The following TMEM255B variants were observed in gnomAD, a reference collection of about 807,000 sequenced individuals.
TMEM255B encodes family with sequence similarity 70, member B.
A neutral mutation model predicts 34.5 loss-of-function variants in TMEM255B; 35 were observed. The ratio of observed to expected loss-of-function variants is 1.01; its 90% CI spans 0.77 to 1.34. The LOEUF (loss-of-function observed/expected upper bound fraction) is 1.34, where lower values mean the gene tolerates loss of function less well. TMEM255B is among the 40% of genes most tolerant of loss of function. TMEM255B has a pLI of 0.00. For missense variants in TMEM255B, 432 were observed against 433.2 expected, an observed-to-expected ratio of 1.00 and a Z score of 0.02; for synonymous variants, 206 against 201.2, an observed-to-expected ratio of 1.02 and a Z score of -0.20.
Position 113,806,324 on chromosome 13 carries a change from G to T in TMEM255B, c.813+1296G>T, listed in dbSNP as rs1386053357. ...CCAGGGGCCTGTGGGGCTGCTGGGG[G>T]TCCCTCGCGTTCAGGGCCTGCTTGG... On this transcript the variant is annotated intron_variant, in intron 8 of 8. Transcript: ENST00000375353. This position sits in a 1 kb window ranked among gnomAD's most constrained non-coding sequence, Gnocchi z 4.2. 6.6e-6 allele frequency among the ~76,000 whole-genome samples: 1 copy of T among 152,076 alleles called. No homozygotes were observed. The highest frequency in any genetic ancestry group is 1.5e-5 in the Non-Finnish European group (1 of 67,990).
intron 4 of TMEM255B, among the ~76,000 whole-genome samples, chr13:113,798,474 T>C (rs1372355749): frequency 6.7e-6 from 1 of 149,838 alleles, no homozygotes; most frequent in African/African-American, 2.5e-5. Context: ...GGATGGATGA[T>C]GGATGGATGG....
rs2051351666 is a variant in TMEM255B at position 113,812,959 on chromosome 13, A to C, written c.*1056A>C. The C allele has an allele frequency of 6.8e-6, 1 of 146,022 alleles. No homozygotes were observed. The highest frequency in any genetic ancestry group is 2.6e-5 in the African/African-American group (1 of 38,134). The allele number at this position is 146,022 out of a possible 1,614,324, so 9.0% of individuals were successfully genotyped here. A position where few individuals can be genotyped will look rare whatever the true frequency, so the allele number is the denominator to read the frequency against. On this transcript the variant is annotated 3_prime_UTR_variant, in exon 9 of 9. Coordinates refer to ENST00000375353, the MANE Select transcript of TMEM255B (RefSeq NM_182614.4). ...GTGGGTCACGGGTCCCGGGTGGGTC[A>C]CGGGCCCCGGGTGGGTCACGGGTCC... is the stretch of plus-strand genomic sequence containing the variant.
intron 3 of TMEM255B, among the ~76,000 whole-genome samples, chr13:113,785,692 G>A (rs1002088890): frequency 1.2e-4 from 18 of 152,316 alleles, no homozygotes; most frequent in Non-Finnish European, 1.9e-4. Context: ...AAGTAGGAAC[G>A]GTTGCCGCTG....
chr13:113,764,422 GC>G (rs1422612979), intron 1 of TMEM255B, among the ~76,000 whole-genome samples: 3 of 152,186 alleles, frequency 2.0e-5, no homozygotes, highest in South Asian at 2.1e-4. Flanking sequence ...TTGCTCCCTG[GC>G]CCGCACCGGG....
rs144270905 is a variant in TMEM255B, at chr13:113,764,669, G to T, written c.47-1446G>T. Among the ~76,000 whole-genome samples the T allele has an allele frequency of 4.9e-3, 743 of 152,342 alleles. 1 individual carries two copies. Among genetic ancestry groups the T allele is most frequent in the African/African-American group, 0.017 (706 of 41,574 alleles). On this transcript the variant is annotated intron_variant, in intron 1 of 8. Transcript: ENST00000375353. The stretch of plus-strand genomic sequence containing the variant: ...CTGCAGCGTGTGCCTCTGTCTGTCT[G>T]GTGTCCCCTCTGCCTCTCACATGCG...
At chr13:113,775,754 C>T (rs908808872) in intron 3 of TMEM255B, among the ~76,000 whole-genome samples, 1 of 152,210 alleles carries the variant, frequency 6.6e-6, no homozygotes, top group Non-Finnish European at 1.5e-5. Flanking sequence ...TTGGTCCTGC[C>T]GGGCCCACAG....
At chr13:113,763,495 A>G (rs1666634387) in intron 1 of TMEM255B, among the ~76,000 whole-genome samples, 1 of 152,146 alleles carries the variant, frequency 6.6e-6, no homozygotes, top group East Asian at 1.9e-4. Context: ...CGGGCAAACG[A>G]CCGTGAACAT....
At chr13:113,804,045 G>C (rs1051160642) in intron 7 of TMEM255B, among the ~76,000 whole-genome samples, 1 of 152,166 alleles carries the variant, frequency 6.6e-6, no homozygotes, top group African/African-American at 2.4e-5. Context: ...GGGGGTGGGG[G>C]CTGGGGAAGG....
chr13:113,796,975 G>A (rs78674685), intron 4 of TMEM255B, among the ~76,000 whole-genome samples: 1,786 of 152,266 alleles, frequency 0.012, 28 homozygotes, highest in African/African-American at 0.041. Flanking sequence ...ACACTCCCAC[G>A]GAGGTGCGTC....
chr13:113,799,304 T>C, intron 4 of TMEM255B, 35 bp from the exon 5 acceptor site: 1 of 1,609,038 alleles, frequency 6.2e-7, no homozygotes, highest in Non-Finnish European at 8.5e-7. Flanking sequence ...TGGAGGCACC[T>C]GTTTTATTCC....
In TMEM255B at chr13:113,812,091, A is replaced by C; in HGVS notation, c.*188A>C. ...AACCAGGCAGGGAGTGGGGCCCTCC[A>C]GACCCAGGCTGGTGACACCTTGGCT... On this transcript the variant is annotated 3_prime_UTR_variant, in exon 9 of 9. Transcript: ENST00000375353. The C allele has an allele frequency of 1.4e-6, 1 of 717,118 alleles. No individual in the cohort carries two copies. 44.4% of individuals were successfully genotyped at this position (717,118 alleles called of 1,614,324 possible). A position where few individuals can be genotyped will look rare whatever the true frequency, so the allele number is the denominator to read the frequency against.
intron 1 of TMEM255B, among the ~76,000 whole-genome samples, chr13:113,765,547 T>C (rs575390622): frequency 7.3e-5 from 11 of 151,694 alleles, no homozygotes; most frequent in Admixed American, 5.9e-4. Flanking sequence ...CTTACCATGG[T>C]TTTTTAAATC....
At chr13:113,783,722 G>A (rs2050698671) in intron 3 of TMEM255B, among the ~76,000 whole-genome samples, 1 of 152,102 alleles carries the variant, frequency 6.6e-6, no homozygotes, top group Non-Finnish European at 1.5e-5. Context: ...AAGGAGGATG[G>A]GTGAGGTTTG....
chr13:113,794,103 G>A (rs1030308614), intron 3 of TMEM255B, among the ~76,000 whole-genome samples: 3 of 152,224 alleles, frequency 2.0e-5, no homozygotes, highest in South Asian at 2.1e-4. Context: ...TGCTGACATC[G>A]GGGGAAGAGG....
At chr13:113,781,442 A>G (rs1466105832) in intron 3 of TMEM255B, among the ~76,000 whole-genome samples, 1 of 152,234 alleles carries the variant, frequency 6.6e-6, no homozygotes, top group Non-Finnish European at 1.5e-5. Flanking sequence ...CTTTTTACCA[A>G]AAGTATATTT....
chr13:113,799,027 T>G (rs2050993951), intron 4 of TMEM255B, among the ~76,000 whole-genome samples: 1 of 152,202 alleles, frequency 6.6e-6, no homozygotes, highest in South Asian at 2.1e-4. Flanking sequence ...TGTGGGGTGG[T>G]AGGGATGCCC....
intron 2 of TMEM255B, chr13:113,768,326 G>A: frequency 2.2e-6 from 1 of 447,500 alleles, no homozygotes. Context: ...TGCCAGGTGG[G>A]CGTCACCTGC....
At chr13:113,761,863 G>A (rs986756453) in intron 1 of TMEM255B, among the ~76,000 whole-genome samples, 3 of 152,220 alleles carry the variant, frequency 2.0e-5, no homozygotes, top group South Asian at 4.1e-4. Context: ...CCCGGGAACC[G>A]GCGACAAACA....
chr13:113,792,171 A>G (rs908410818), intron 3 of TMEM255B, among the ~76,000 whole-genome samples: 9 of 152,254 alleles, frequency 5.9e-5, no homozygotes, highest in Non-Finnish European at 1.2e-4. Context: ...TACATTTTTA[A>G]TGTATTTTAC....
Sources: gnomAD v4.1 joint callset for allele counts (sites outside exome capture counted in the v4.1 genomes callset) on GRCh38, gnomAD v4.1.1 for gene constraint, Gnocchi (gnomAD v3.1) non-coding constraint, MANE v1.5 for transcripts, NCBI Gene and HGNC (gene_info 2026-07-23, HGNC 2026-07-21) for gene names.